The following NUP42 variants were observed in gnomAD, a reference collection of about 807,000 sequenced individuals.
NUP42 encodes the protein nucleoporin 42.
A neutral mutation model predicts 35.9 loss-of-function variants in NUP42; 47 were observed. The observed-to-expected ratio is 1.31, with a 90% CI of 1.04 to 1.67. The LOEUF is 1.67. Ranked by LOEUF, NUP42 falls within the 40% of genes most tolerant of loss-of-function variation. NUP42 has a pLI of 0.00. For missense variants in NUP42, 514 were observed against 492.2 expected (o/e 1.04, Z -0.42); for synonymous variants, 173 against 173.3 (o/e 1.00, Z 0.01).
intron 3 of NUP42, among the ~76,000 whole-genome samples, chr7:23,189,773 CATG>C (rs1057273798): frequency 5.3e-4 from 80 of 151,886 alleles, no homozygotes; most frequent in African/African-American, 1.9e-3. Flanking sequence ...ATTAGCCAGA[CATG>C]GTGGTATGCG....
chr7:23,198,915 CATAA>C (rs1357622634), intron 5 of NUP42, among the ~76,000 whole-genome samples: 1 of 152,066 alleles, frequency 6.6e-6, no homozygotes, highest in Non-Finnish European at 1.5e-5. Context: ...TATAAAAAAG[CATAA>C]ATAAAATTTA....
chr7:23,187,193 T>G (rs1317602065), intron 3 of NUP42, 47 bp downstream of exon 3: 6 of 1,324,518 alleles, frequency 4.5e-6, no homozygotes, highest in Non-Finnish European at 5.3e-6. Context: ...AAAACTATTA[T>G]TTTCTAAAAC....
intron 2 of NUP42, 67 bp downstream of exon 2, chr7:23,185,365 G>T: frequency 1.9e-6 from 2 of 1,070,064 alleles, no homozygotes; most frequent in Non-Finnish European, 2.8e-6. Context: ...AATCTTTGTT[G>T]TTTCTCTTTT....
At position 23,199,380 on chromosome 7, in the gene NUP42, T is replaced by G. The variant is rs1786127290; in HGVS notation, c.610-78T>G. ...AATGCACATTTTAAAAACTTGAATT[T>G]GTCCATAAAGTGTATAGAAAAGATA... On this transcript the variant is annotated intron_variant, in intron 5 of 6. Transcript: ENST00000258742. 2.5e-6 allele frequency: 3 copies of G among 1,210,792 alleles called. No individual in the cohort carries two copies. The East Asian group carries it at 7.0e-5, about 28-fold the overall frequency. The allele number at this position is 1,210,792 out of a possible 1,614,324, so 75.0% of individuals were successfully genotyped here.
intron 5 of NUP42, among the ~76,000 whole-genome samples, chr7:23,198,834 T>TA (rs1375015376): frequency 6.6e-6 from 1 of 152,198 alleles, no homozygotes; most frequent in African/African-American, 2.4e-5. Context: ...GATCTACCCT[T>TA]ATAGACACTG....
At chr7:23,188,000 A>AT (rs770824203) in intron 3 of NUP42, 2 of 974,662 alleles carry the variant, frequency 2.1e-6, no homozygotes, top group African/African-American at 1.8e-5. Flanking sequence ...CTCTTTTTTT[A>AT]TTTTTTATTT....
At chr7:23,196,433 T>C (rs1786012998) in intron 4 of NUP42, 1 of 423,314 alleles carries the variant, frequency 2.4e-6, no homozygotes, top group African/African-American at 2.0e-5. Context: ...CAAATATAAC[T>C]AACTACGTGC....
intron 1 of NUP42, chr7:23,182,515 T>G (rs1785443946): frequency 9.0e-7 from 1 of 1,112,512 alleles, no homozygotes; most frequent in Non-Finnish European, 1.1e-6. Flanking sequence ...GAATATAATT[T>G]TTACTAAGTT....
chr7:23,193,660 T>C (rs1443852699), intron 3 of NUP42, among the ~76,000 whole-genome samples: 3 of 152,224 alleles, frequency 2.0e-5, no homozygotes, highest in African/African-American at 7.2e-5. Flanking sequence ...GGAGCCCAGC[T>C]GGCCTCACCC....
At position 23,187,032 on chromosome 7, in the gene NUP42, T is replaced by G; in HGVS notation, c.351-20T>G. 1 of 1,515,002 alleles carries G rather than the reference T, an allele frequency of 6.6e-7. No individual in the cohort carries two copies. Among genetic ancestry groups the G allele is most frequent in the Non-Finnish European group, 8.9e-7 (1 of 1,118,394 alleles). 93.8% of individuals were successfully genotyped at this position (1,515,002 alleles called of 1,614,324 possible). On this transcript the variant is annotated intron_variant, in intron 2 of 6. Transcript: ENST00000258742. ...AGCTAAGAAGATCCTTTACTCTTTTTTTTTTTTTCTTTTTTGCAGGGAAGG... is the reference window on the plus strand; with the variant it reads ...AGCTAAGAAGATCCTTTACTCTTTTGTTTTTTTTCTTTTTTGCAGGGAAGG...
chr7:23,197,490 A>G (rs542608303), intron 5 of NUP42, among the ~76,000 whole-genome samples: 2 of 152,268 alleles, frequency 1.3e-5, no homozygotes, highest in East Asian at 3.9e-4. Context: ...AATTTCTTTC[A>G]TCTTTTAGTT....
chr7:23,197,237 T>C, intron 5 of NUP42: 1 of 1,294,498 alleles, frequency 7.7e-7, no homozygotes, highest in Non-Finnish European at 1.0e-6. Flanking sequence ...TGTGGCAAGT[T>C]CATTATCTTT....
At chr7:23,195,659 TATTTTACTGTA>T in intron 3 of NUP42, 169 bp from the exon 4 acceptor site, 1 of 493,638 alleles carries the variant, frequency 2.0e-6, no homozygotes, top group Non-Finnish European at 3.5e-6. Context: ...TAACCAACTA[TATTTTACTGTA>T]ATTTTACACT....
intron 3 of NUP42, among the ~76,000 whole-genome samples, chr7:23,193,048 C>T (rs1035486226): frequency 7.2e-5 from 11 of 151,792 alleles, no homozygotes; most frequent in African/African-American, 2.4e-4. Flanking sequence ...TGTGGACCTT[C>T]GCGGTGAGTG....
chr7:23,192,546 C>CAAAAA (rs200047613), intron 3 of NUP42, among the ~76,000 whole-genome samples: 2 of 65,298 alleles, frequency 3.1e-5, no homozygotes, highest in African/African-American at 4.7e-5. Flanking sequence ...GACTTCATCT[C>CAAAAA]AAAAAAAAAA....
Position 23,200,169 on chromosome 7 carries a change from C to T in NUP42, c.696C>T (p.Gly232=). 1 of 1,548,800 alleles carries T rather than the reference C, an allele frequency of 6.5e-7. No individual in the cohort carries two copies. Among genetic ancestry groups the T allele is most frequent in the Non-Finnish European group, 8.7e-7 (1 of 1,146,072 alleles). ...SSQAATFMSP[G]FPVNNSSSDN... ...TTTTGTTGTTGTTGTTGTTTGTAGG[C>T]TTTCCAGTCAATAACAGCAGCAGTG... is the stretch of plus-strand genomic sequence containing the variant. Residue 232 remains glycine (G), a splice_region_variant and synonymous_variant, in exon 7 of 7, where the codon GGC becomes GGT. Coordinates refer to ENST00000258742, the MANE Select transcript of NUP42 (RefSeq NM_007342.3).
intron 3 of NUP42, chr7:23,194,728 G>T: frequency 5.6e-6 from 1 of 178,986 alleles, no homozygotes; most frequent in Non-Finnish European, 1.2e-5. Context: ...TCGCTTTGTT[G>T]CCCAGGCTGG....
At chr7:23,199,657 C>T (rs1786142183) in intron 6 of NUP42, 115 bp downstream of exon 6, 5 of 860,774 alleles carry the variant, frequency 5.8e-6, no homozygotes, top group Non-Finnish European at 9.5e-6. Flanking sequence ...CTACAACCTT[C>T]CATCATAGAG....
chr7:23,188,789 A>G (rs1785690446), intron 3 of NUP42, among the ~76,000 whole-genome samples: 1 of 152,238 alleles, frequency 6.6e-6, no homozygotes, highest in African/African-American at 2.4e-5. Context: ...TGATAATACT[A>G]AGTGATTAAT....
Sources: gnomAD v4.1 joint callset for allele counts (sites outside exome capture counted in the v4.1 genomes callset) on GRCh38, gnomAD v4.1.1 for gene constraint, MANE v1.5 for transcripts, NCBI Gene and HGNC (gene_info 2026-07-23, HGNC 2026-07-21) for gene names.